Variants in SYNCRIP observed in about 807,000 individuals in gnomAD.
SYNCRIP encodes heterogeneous nuclear ribonucleoprotein Q.
SYNCRIP carries 9 observed loss-of-function variants against 68.9 expected under a neutral mutation model. That is an observed-to-expected ratio of 0.13 (90% CI 0.08 to 0.23). The LOEUF is 0.23. Ranked by LOEUF, SYNCRIP falls within the 10% of genes least tolerant of loss-of-function variation. SYNCRIP has a pLI of 1.00. For missense variants in SYNCRIP, 414 were observed against 770.6 expected, an observed-to-expected ratio of 0.54 and a Z score of 5.48; for synonymous variants, 258 against 254.0, an observed-to-expected ratio of 1.02 and a Z score of -0.15.
chr6:85,639,159 G>A (rs1416091418), intron 4 of SYNCRIP, among the ~76,000 whole-genome samples: 1 of 152,136 alleles, frequency 6.6e-6, no homozygotes, highest in Non-Finnish European at 1.5e-5. Context: ...AGTGAGCCAA[G>A]ATCACGCCAC....
chr6:85,628,890 C>A (rs956838263), intron 6 of SYNCRIP, among the ~76,000 whole-genome samples: 3 of 152,240 alleles, frequency 2.0e-5, no homozygotes, highest in Non-Finnish European at 4.4e-5. Flanking sequence ...AGTCCAACTA[C>A]ACTTTCAATT....
upstream of SYNCRIP, among the ~76,000 whole-genome samples, chr6:85,643,595 T>TCCCCACCCCG (rs1231615781): frequency 3.5e-5 from 5 of 143,892 alleles, no homozygotes; most frequent in South Asian, 2.2e-4. Flanking sequence ...GACTGGCATC[T>TCCCCACCCCG]CCCCACCCCG....
At chr6:85,607,937 CTT>C (rs1379863804), downstream of SYNCRIP, 1 of 152,064 alleles carries the variant, frequency 6.6e-6, no homozygotes. Context: ...CCTAAAAAGT[CTT>C]GTCCTGATGG....
At chr6:85,635,472 T>C (rs1026279388) in intron 6 of SYNCRIP, among the ~76,000 whole-genome samples, 1 of 151,928 alleles carries the variant, frequency 6.6e-6, no homozygotes, top group East Asian at 1.9e-4. Flanking sequence ...TCACACAACA[T>C]AGAAAAGGAA....
intron 10 of SYNCRIP, among the ~76,000 whole-genome samples, chr6:85,617,431 GAAATAA>G (rs1805903509): frequency 6.6e-6 from 1 of 152,050 alleles, no homozygotes; most frequent in Non-Finnish European, 1.5e-5. Context: ...TCTTCTGAAA[GAAATAA>G]AAAGAAGTTA....
At chr6:85,635,144 GAC>G (rs1438347098) in intron 6 of SYNCRIP, among the ~76,000 whole-genome samples, 1 of 152,106 alleles carries the variant, frequency 6.6e-6, no homozygotes, top group Non-Finnish European at 1.5e-5. Context: ...CAGCGTGGGT[GAC>G]AGAGACTTTG....
At chr6:85,632,272 C>T (rs1807885063) in intron 6 of SYNCRIP, among the ~76,000 whole-genome samples, 1 of 152,140 alleles carries the variant, frequency 6.6e-6, no homozygotes, top group South Asian at 2.1e-4. Context: ...AAAAGAGAAA[C>T]AGAGGTGCTT....
downstream of SYNCRIP, among the ~76,000 whole-genome samples, chr6:85,613,633 C>G (rs1805446928): frequency 6.6e-6 from 1 of 152,150 alleles, no homozygotes; most frequent in South Asian, 2.1e-4. Context: ...TAAATTTTAT[C>G]CTTCAGATAT....
At chr6:85,618,701 A>T in intron 10 of SYNCRIP, 117 bp downstream of exon 10, 1 of 831,178 alleles carries the variant, frequency 1.2e-6, no homozygotes, top group Non-Finnish European at 1.8e-6. Flanking sequence ...TCAAACGTTC[A>T]AGTCTTCTTT....
At chr6:85,640,145 T>A in intron 4 of SYNCRIP, 76 bp downstream of exon 4, 1 of 973,496 alleles carries the variant, frequency 1.0e-6, no homozygotes, top group Non-Finnish European at 1.6e-6. Flanking sequence ...ATCCATTTCA[T>A]ACCCAAGGAA....
chr6:85,635,432 T>C (rs1319048398), intron 6 of SYNCRIP, among the ~76,000 whole-genome samples: 1 of 152,178 alleles, frequency 6.6e-6, no homozygotes, highest in Non-Finnish European at 1.5e-5. Flanking sequence ...ACTTCCATCA[T>C]ACTCAATTAT....
chr6:85,614,990 T>A lies in SYNCRIP; in HGVS notation c.1638A>T (p.Arg546Ser). The A allele has an allele frequency of 6.2e-7, 1 of 1,613,554 alleles. No homozygotes were observed. The highest frequency in any genetic ancestry group is 8.5e-7 in the Non-Finnish European group (1 of 1,179,658). ...CCCTCGCACCACGTACCCCGCGGCC[T>A]CTTTGTTGTTGGGCACCTCCTCTCG... is the stretch of plus-strand genomic sequence containing the variant. The part of the protein sequence containing the change: ...RGARGGAQQQ[R>S]GRGVRGARGG... The change falls in exon 11 of 11, where the codon AGA becomes AGT. Residue 546 changes from arginine (R) to serine (S), a missense_variant. By Grantham distance (110) the Arg-to-Ser change is moderately radical. This residue lies in a region of SYNCRIP where 130 missense variants were observed against 149.0 expected (regional missense o/e 0.87). Coordinates refer to ENST00000369622, the MANE Select transcript of SYNCRIP (RefSeq NM_006372.5).
chr6:85,640,074 TAAAAAAACTTA>T, intron 4 of SYNCRIP, 136 bp downstream of exon 4: 1 of 619,564 alleles, frequency 1.6e-6, no homozygotes, highest in South Asian at 2.2e-5. Context: ...ACAAATAGTT[TAAAAAAACTTA>T]AAAAAAGGAA....
chr6:85,623,165 A>G (rs1290728202), intron 7 of SYNCRIP, among the ~76,000 whole-genome samples: 1 of 152,220 alleles, frequency 6.6e-6, no homozygotes, highest in East Asian at 1.9e-4. Flanking sequence ...CAGGCTGATA[A>G]TTTGTTAGAC....
rs772447167 is a variant in SYNCRIP, at chr6:85,619,434, A to AC, written c.1009-18dup. 1.9e-6 allele frequency: 3 copies of AC among 1,604,816 alleles called. No homozygotes were observed. Among genetic ancestry groups the AC allele is most frequent in the Admixed American group, 1.7e-5 (1 of 57,542 alleles). ...CACTTTTACCTAGGGGGAAGAAAAT[A>AC]CCCCCCTGTATTATTTCCAAAGAGT... On this transcript the variant is annotated splice_polypyrimidine_tract_variant and intron_variant, in intron 8 of 10. Coordinates refer to ENST00000369622, the MANE Select transcript of SYNCRIP (RefSeq NM_006372.5).
intron 4 of SYNCRIP, among the ~76,000 whole-genome samples, chr6:85,637,851 AG>A (rs1317561568): frequency 6.6e-6 from 1 of 152,186 alleles, no homozygotes; most frequent in Non-Finnish European, 1.5e-5. Context: ...TGGGAGCTAC[AG>A]GGAAAAAAAA....
At position 85,614,739 on chromosome 6, in the gene SYNCRIP, C is replaced by G. The variant is rs1437035710; in HGVS notation, c.*17G>C. 6.4e-7 allele frequency: 1 copy of G among 1,551,054 alleles called. No individual in the cohort carries two copies. Among genetic ancestry groups the G allele is most frequent in the African/African-American group, 1.4e-5 (1 of 72,712 alleles). On this transcript the variant is annotated 3_prime_UTR_variant, in exon 11 of 11. Coordinates refer to ENST00000369622, the MANE Select transcript of SYNCRIP (RefSeq NM_006372.5). ...ATCAACCTATCAGTCTCCAATTTTA[C>G]AGAGGCCCTACTGTTTCTACTTCCA...
chr6:85,622,354 G>A lies in SYNCRIP; in HGVS notation c.1008+128C>T, dbSNP rs535018150. The stretch of plus-strand genomic sequence containing the variant: ...ATGGCACTCCAGCCTGGGAAACATG[G>A]GAAACAAGAGACTCTTGTCTCAAAA... On this transcript the variant is annotated intron_variant, in intron 8 of 10. Transcript: ENST00000369622. 48 of 903,702 alleles carry A rather than the reference G, an allele frequency of 5.3e-5. No homozygotes were observed. The South Asian group carries it at 7.7e-4, about 15-fold the overall frequency. The allele number at this position is 903,702 out of a possible 1,614,324, so 56.0% of individuals were successfully genotyped here. A position where few individuals can be genotyped will look rare whatever the true frequency, so the allele number is the denominator to read the frequency against.
At chr6:85,636,124 T>C (rs1808417267) in intron 6 of SYNCRIP, among the ~76,000 whole-genome samples, 1 of 152,168 alleles carries the variant, frequency 6.6e-6, no homozygotes, top group African/African-American at 2.4e-5. Context: ...TTTAAAGGAC[T>C]TACATAAACT....
Sources: gnomAD v4.1 joint callset for allele counts (sites outside exome capture counted in the v4.1 genomes callset) on GRCh38, gnomAD v4.1.1 for gene constraint, gnomAD v4.1.1 regional missense constraint, MANE v1.5 for transcripts, NCBI Gene and HGNC (gene_info 2026-07-23, HGNC 2026-07-21) for gene names.